HIVEP3: variants seen among roughly 807,000 people sequenced by gnomAD.
The protein encoded by HIVEP3 is transcription factor HIVEP3.
Under a neutral mutation model 152.8 loss-of-function variants are expected in HIVEP3, and 49 were observed. The ratio of observed to expected loss-of-function variants is 0.32; its 90% CI spans 0.26 to 0.41. The LOEUF is 0.41. Among genes scored for constraint, HIVEP3 ranks in the 10% least tolerant of loss-of-function variants. The pLI is 1.00. For missense variants in HIVEP3, 2,790 were observed against 3,103.3 expected (o/e 0.90, Z 2.40); for synonymous variants, 1,269 against 1,289.0 (o/e 0.98, Z 0.33).
intron 1 of HIVEP3, among the ~76,000 whole-genome samples, chr1:41,844,489 ATGCCGCTTC>A (rs1293994089): frequency 6.6e-6 from 1 of 152,180 alleles, no homozygotes; most frequent in Non-Finnish European, 1.5e-5. Flanking sequence ...ACGTCATCCG[ATGCCGCTTC>A]TTACCTTAAC....
chr1:41,667,133 A>G (rs1328204681), intron 2 of HIVEP3, among the ~76,000 whole-genome samples: 1 of 152,114 alleles, frequency 6.6e-6, no homozygotes, highest in East Asian at 1.9e-4. Flanking sequence ...GTGCCCCACT[A>G]TGAGAGTCAT....
chr1:41,937,176 T>G (rs1341979030), intron 1 of HIVEP3, among the ~76,000 whole-genome samples: 1 of 152,166 alleles, frequency 6.6e-6, no homozygotes, highest in African/African-American at 2.4e-5. Flanking sequence ...CCAACATTAT[T>G]ATCCAAAGTC....
Position 41,662,992 on chromosome 1 carries a change from T to C in HIVEP3, c.-720-34045A>G, listed in dbSNP as rs577759709. Reference sequence around the variant, plus strand: ...GCCAGGGCCTCCCTGGGCTCAGGCCTGGGGTGGGGGCGGGGGACACCCCGG... The same window carrying C: ...GCCAGGGCCTCCCTGGGCTCAGGCCCGGGGTGGGGGCGGGGGACACCCCGG... On this transcript the variant is annotated intron_variant, in intron 2 of 8. Transcript: ENST00000372583. The surrounding 1 kb of genome is among the most constrained non-coding windows in gnomAD (Gnocchi z 7.2). Among the ~76,000 whole-genome samples the C allele has an allele frequency of 7.1e-4, 102 of 143,884 alleles. 1 individual carries two copies. Among genetic ancestry groups the C allele is most frequent in the African/African-American group, 2.4e-3 (97 of 40,132 alleles). The allele number at this position is 143,884 out of a possible 152,430, so 94.4% of individuals were successfully genotyped here.
chr1:41,881,495 G>A (rs1644261070), intron 1 of HIVEP3, among the ~76,000 whole-genome samples: 1 of 152,166 alleles, frequency 6.6e-6, no homozygotes, highest in Admixed American at 6.5e-5. Context: ...ATGCTGATTA[G>A]TCAAATTTTC....
chr1:41,885,480 A>C (rs1644330037), intron 1 of HIVEP3, among the ~76,000 whole-genome samples: 1 of 152,198 alleles, frequency 6.6e-6, no homozygotes. Flanking sequence ...AGCCTGGCCA[A>C]CATGGGGAAA....
At chr1:41,822,548 G>T (rs1377515311) in intron 1 of HIVEP3, among the ~76,000 whole-genome samples, 1 of 152,214 alleles carries the variant, frequency 6.6e-6, no homozygotes, top group African/African-American at 2.4e-5. Context: ...GATGAAGAAA[G>T]AATAAGAGTG....
chr1:41,856,948 G>A (rs75065784), intron 1 of HIVEP3, among the ~76,000 whole-genome samples: 2,760 of 152,168 alleles, frequency 0.018, 33 homozygotes, highest in Non-Finnish European at 0.027. Context: ...TTACTGCTGC[G>A]GCTCTATAAA....
intron 5 of HIVEP3, among the ~76,000 whole-genome samples, chr1:41,553,916 G>C (rs1318603108): frequency 6.6e-6 from 1 of 152,088 alleles, no homozygotes; most frequent in African/African-American, 2.4e-5. Context: ...TTTCTCTCTG[G>C]CTGCCCTTAA....
intron 1 of HIVEP3, among the ~76,000 whole-genome samples, chr1:41,785,960 T>G (rs1368658739): frequency 6.6e-6 from 1 of 152,188 alleles, no homozygotes. Flanking sequence ...ACCGTGCCAT[T>G]GCACTCCAGC....
intron 2 of HIVEP3, among the ~76,000 whole-genome samples, chr1:41,653,874 G>A (rs930051935): frequency 1.5e-5 from 2 of 132,474 alleles, no homozygotes; most frequent in Admixed American, 9.1e-5. Flanking sequence ...GAGGCACTAA[G>A]CCTCAAAATC....
At chr1:41,589,771 A>G (rs940644062) in intron 3 of HIVEP3, among the ~76,000 whole-genome samples, 1 of 152,220 alleles carries the variant, frequency 6.6e-6, no homozygotes, top group Non-Finnish European at 1.5e-5. Flanking sequence ...AGCTGGCCCC[A>G]GGCTGGTGGG....
At chr1:41,913,048 G>A (rs1644820762) in intron 1 of HIVEP3, among the ~76,000 whole-genome samples, 1 of 152,218 alleles carries the variant, frequency 6.6e-6, no homozygotes, top group Admixed American at 6.5e-5. Flanking sequence ...TAGCTAGAGA[G>A]GGAGTCTTCT....
At chr1:41,642,854 C>T (rs1478454711) in intron 2 of HIVEP3, among the ~76,000 whole-genome samples, 2 of 152,180 alleles carry the variant, frequency 1.3e-5, no homozygotes, top group Non-Finnish European at 2.9e-5. Flanking sequence ...GGGTGTCAGC[C>T]AGGGGCCAGG....
At chr1:41,687,553 T>C (rs1320747494) in intron 2 of HIVEP3, among the ~76,000 whole-genome samples, 2 of 152,198 alleles carry the variant, frequency 1.3e-5, no homozygotes, top group Non-Finnish European at 2.9e-5. Flanking sequence ...TCTTAGGTAA[T>C]GGATCTTGCT....
chr1:41,635,075 C>T (rs971278023), intron 2 of HIVEP3, among the ~76,000 whole-genome samples: 8 of 152,002 alleles, frequency 5.3e-5, no homozygotes, highest in Non-Finnish European at 7.4e-5. Flanking sequence ...CCAAAATGCA[C>T]GAATTGTACG....
chr1:41,834,515 C>A (rs7517423), intron 1 of HIVEP3, among the ~76,000 whole-genome samples: 2,505 of 152,260 alleles, frequency 0.016, 40 homozygotes, highest in Non-Finnish European at 0.021. Context: ...CTGACTCAGG[C>A]AGAACACTAT....
intron 1 of HIVEP3, among the ~76,000 whole-genome samples, chr1:41,888,985 C>CCA (rs1000995799): frequency 6.4e-5 from 9 of 140,048 alleles, no homozygotes; most frequent in Admixed American, 2.8e-4. Flanking sequence ...ACCACACATG[C>CCA]CACACACACA....
At chr1:41,692,338 G>C (rs886842263) in intron 2 of HIVEP3, among the ~76,000 whole-genome samples, 4 of 152,222 alleles carry the variant, frequency 2.6e-5, no homozygotes, top group Non-Finnish European at 4.4e-5. Flanking sequence ...CAGTGCTGAA[G>C]TGCTTTCTGG....
intron 1 of HIVEP3, among the ~76,000 whole-genome samples, chr1:41,739,384 G>A (rs1160829316): frequency 6.6e-6 from 1 of 152,224 alleles, no homozygotes; most frequent in Non-Finnish European, 1.5e-5. Flanking sequence ...GCCAGAGAGG[G>A]AGGCCCAGTC....
Sources: gnomAD v4.1 joint callset for allele counts (sites outside exome capture counted in the v4.1 genomes callset) on GRCh38, gnomAD v4.1.1 for gene constraint, Gnocchi (gnomAD v3.1) non-coding constraint, MANE v1.5 for transcripts, NCBI Gene and HGNC (gene_info 2026-07-23, HGNC 2026-07-21) for gene names.